FBXL13: variants seen among roughly 807,000 people sequenced by gnomAD.
The protein encoded by FBXL13 is F-box and leucine-rich repeat protein 13.
In FBXL13, 67 loss-of-function variants were observed where a neutral mutation model predicts 83.6. That is an observed-to-expected ratio of 0.80 (90% CI 0.66 to 0.98). The LOEUF is 0.98. Among genes scored for constraint, FBXL13 ranks in the 50% least tolerant of loss-of-function variants. The pLI is 0.00. For missense variants in FBXL13, 822 were observed against 866.5 expected (o/e 0.95, Z 0.64); for synonymous variants, 272 against 299.5 (o/e 0.91, Z 0.95).
chr7:102,812,623 T>A (rs529248079), downstream of FBXL13, among the ~76,000 whole-genome samples: 14 of 152,274 alleles, frequency 9.2e-5, no homozygotes, highest in South Asian at 2.9e-3. Flanking sequence ...GCGTTACAGA[T>A]CCTTAAAGTT....
At chr7:103,024,821 G>GTATATATATA (rs1554505154) in intron 6 of FBXL13, among the ~76,000 whole-genome samples, 2 of 119,784 alleles carry the variant, frequency 1.7e-5, no homozygotes, top group African/African-American at 6.4e-5. Context: ...ACATATATAT[G>GTATATATATA]TATATATATG....
In FBXL13 at chr7:103,055,044, A is replaced by G. The variant is rs893076096; in HGVS notation, c.-1+600T>C. The G allele has an allele frequency of 3.5e-6, 4 of 1,129,290 alleles. No homozygotes were observed. The African/African-American group carries it at 6.5e-5, about 18-fold the overall frequency. 70.0% of individuals were successfully genotyped at this position (1,129,290 alleles called of 1,614,324 possible). On this transcript the variant is annotated intron_variant, in intron 2 of 19. Transcript: ENST00000313221. ...AAATCTACTTGGAAAATTCCATCGA[A>G]GTTTAAAATATATATTTGCGTATTC...
intron 6 of FBXL13, among the ~76,000 whole-genome samples, chr7:102,977,838 T>C (rs552452458): frequency 2.6e-5 from 4 of 152,160 alleles, no homozygotes; most frequent in South Asian, 2.1e-4. Flanking sequence ...CTCAGCAAAC[T>C]ATCGCAAGGA....
intron 9 of FBXL13, among the ~76,000 whole-genome samples, chr7:102,926,790 A>C (rs1818222997): frequency 6.6e-6 from 1 of 152,232 alleles, no homozygotes; most frequent in African/African-American, 2.4e-5. Context: ...CACTCTCAAC[A>C]ATGGAACTTT....
chr7:103,032,849 G>A (rs1794647413), intron 2 of FBXL13, among the ~76,000 whole-genome samples: 1 of 152,176 alleles, frequency 6.6e-6, no homozygotes, highest in African/African-American at 2.4e-5. Flanking sequence ...CGGCAACATA[G>A]TGAGACCTTG....
At chr7:102,976,363 C>A (rs138860742) in intron 6 of FBXL13, 2 of 595,552 alleles carry the variant, frequency 3.4e-6, no homozygotes, top group Non-Finnish European at 6.0e-6. Flanking sequence ...CTGAGCCCCC[C>A]GCTCCACTTT....
intron 8 of FBXL13, chr7:102,944,518 GACCAAGAC>G: frequency 6.2e-7 from 1 of 1,613,934 alleles, no homozygotes; most frequent in Non-Finnish European, 8.5e-7. Flanking sequence ...TGAGTCATTT[GACCAAGAC>G]ACAGAAGATG....
chr7:103,071,986 C>A (rs193164566), intron 1 of FBXL13, among the ~76,000 whole-genome samples: 1 of 151,792 alleles, frequency 6.6e-6, no homozygotes, highest in Non-Finnish European at 1.5e-5. Flanking sequence ...AGTTCGAGAC[C>A]GGCCTGACCA....
chr7:102,903,403 A>G (rs1431549025), intron 11 of FBXL13, among the ~76,000 whole-genome samples: 5 of 152,054 alleles, frequency 3.3e-5, no homozygotes, highest in Non-Finnish European at 7.4e-5. Context: ...GATGCTCTTT[A>G]TATCTTTCTC....
intron 17 of FBXL13, among the ~76,000 whole-genome samples, chr7:102,853,146 G>A (rs757700623): frequency 6.6e-6 from 1 of 152,108 alleles, no homozygotes; most frequent in Non-Finnish European, 1.5e-5. Context: ...GTATATGAAC[G>A]ATGCAATGGA....
At chr7:102,929,143 T>C (rs1166261491) in intron 9 of FBXL13, among the ~76,000 whole-genome samples, 11 of 152,216 alleles carry the variant, frequency 7.2e-5, no homozygotes, top group Non-Finnish European at 1.6e-4. Flanking sequence ...CTGAGGGTCT[T>C]AACATTCTTC....
intron 11 of FBXL13, among the ~76,000 whole-genome samples, chr7:102,908,776 C>A (rs1319976175): frequency 6.6e-6 from 1 of 152,226 alleles, no homozygotes; most frequent in Non-Finnish European, 1.5e-5. Context: ...TCTGAACCAC[C>A]CAAAACTGGT....
intron 11 of FBXL13, among the ~76,000 whole-genome samples, chr7:102,893,982 G>GA (rs1285393702): frequency 2.7e-5 from 3 of 111,964 alleles, no homozygotes; most frequent in East Asian, 3.6e-4. Context: ...AAGAAAGAAA[G>GA]AGGAAAGAAA....
chr7:102,822,450 T>C (rs982451031), intron 18 of FBXL13: 1 of 624,930 alleles, frequency 1.6e-6, no homozygotes, highest in Non-Finnish European at 3.0e-6. Context: ...TCTTCTCACA[T>C]GGCAGAGAGA....
chr7:102,918,507 T>G (rs921221120), intron 10 of FBXL13, among the ~76,000 whole-genome samples: 1 of 152,222 alleles, frequency 6.6e-6, no homozygotes, highest in African/African-American at 2.4e-5. Flanking sequence ...AAAAAATAAT[T>G]TGTAATGTGA....
intron 1 of FBXL13, among the ~76,000 whole-genome samples, chr7:103,064,985 G>A (rs79849960): frequency 2.5e-3 from 382 of 152,280 alleles, no homozygotes; most frequent in Middle Eastern, 0.014. Flanking sequence ...TCCACCCCCT[G>A]CAAAACCTTG....
At chr7:102,973,784 G>A (rs758477374) in intron 6 of FBXL13, 21 of 758,030 alleles carry the variant, frequency 2.8e-5, no homozygotes, top group Non-Finnish European at 4.6e-5. Context: ...AAGTTTCCCG[G>A]GAGCCCGGTT....
intron 11 of FBXL13, among the ~76,000 whole-genome samples, chr7:102,900,416 T>C (rs1011694319): frequency 5.3e-5 from 8 of 152,232 alleles, no homozygotes; most frequent in African/African-American, 1.7e-4. Flanking sequence ...CCTTTTTTCT[T>C]GGTCACATAT....
intron 2 of FBXL13, among the ~76,000 whole-genome samples, chr7:103,037,685 T>G (rs1795206974): frequency 6.6e-6 from 1 of 151,816 alleles, no homozygotes; most frequent in Non-Finnish European, 1.5e-5. Context: ...TCACATCTAG[T>G]AGTCCCAGCT....
Sources: allele counts gnomAD v4.1 joint callset (sites outside exome capture counted in the v4.1 genomes callset), GRCh38; gene constraint gnomAD v4.1.1; transcripts MANE v1.5; gene names NCBI Gene and HGNC (gene_info 2026-07-23, HGNC 2026-07-21).